The following HNRNPUL2 variants were observed in gnomAD, a reference collection of about 807,000 sequenced individuals.
HNRNPUL2 encodes heterogeneous nuclear ribonucleoprotein U-like protein 2.
In HNRNPUL2, 27 loss-of-function variants were observed where a neutral mutation model predicts 102.2. That is an observed-to-expected ratio of 0.26 (90% confidence interval 0.19 to 0.36). The LOEUF (loss-of-function observed/expected upper bound fraction) is 0.36. HNRNPUL2 is among the 10% of genes least tolerant of loss of function. HNRNPUL2 has a pLI of 1.00. For missense variants in HNRNPUL2, 936 were observed against 981.1 expected (o/e 0.95, Z 0.61); for synonymous variants, 458 against 387.2 (o/e 1.18, Z -2.15).
chr11:62,726,992 C>CCCGCCGGGCCCGGCCCCGCCG lies in HNRNPUL2; in HGVS notation c.144_164dup (p.Gly49_Gly55dup), dbSNP rs1209396514. 6,809 of 1,359,854 alleles carry CCCGCCGGGCCCGGCCCCGCCG rather than the reference C, an allele frequency of 5.0e-3. 29 individuals carry two copies. The highest frequency in any genetic ancestry group is 8.7e-3 in the Middle Eastern group (32 of 3,664). 84.2% of individuals were successfully genotyped at this position (1,359,854 alleles called of 1,614,324 possible). A position where few individuals can be genotyped will look rare whatever the true frequency, so the allele number is the denominator to read the frequency against. On this transcript the variant is annotated inframe_insertion, in exon 1 of 14. Coordinates refer to ENST00000301785, the MANE Select transcript of HNRNPUL2 (RefSeq NM_001079559.3). Reference sequence around the variant, plus strand: ...CAGGCCGAGGCTCCGCCTTGCAGGCCCCGCCGGGCCCGGCCCCGCCGCCGC... The same window carrying CCCGCCGGGCCCGGCCCCGCCG: ...CAGGCCGAGGCTCCGCCTTGCAGGCCCCGCCGGGCCCGGCCCCGCCGCCGCCGGGCCCGGCCCCGCCGCCGC...
chr11:62,717,059 C>T lies in HNRNPUL2; in HGVS notation c.1911G>A (p.Glu637=), dbSNP rs142868058. 21,933 of 1,614,174 alleles carry T rather than the reference C, an allele frequency of 0.014. 190 individuals are homozygous for T. Among genetic ancestry groups the T allele is most frequent in the Middle Eastern group, 0.02 (120 of 6,050 alleles). The change falls in exon 11 of 14, where the codon GAG becomes GAA. Residue 637 remains glutamate, a synonymous_variant. Coordinates refer to ENST00000301785, the MANE Select transcript of HNRNPUL2 (RefSeq NM_001079559.3). The part of the protein sequence containing the change: ...EEARKLLPPS[E]KRTNRRNNRN... The stretch of plus-strand genomic sequence containing the variant: ...GGTTGTTTCGGCGATTTGTCCGCTT[C>T]TCGGAGGGGGGCAGAAGCTTCCTTG...
Position 62,722,884 on chromosome 11 carries a change from A to T in HNRNPUL2, c.911T>A (p.Met304Lys), listed in dbSNP as rs779640161. The T allele has an allele frequency of 3.7e-6, 6 of 1,613,962 alleles. No homozygotes were observed. The African/African-American group carries it at 8.0e-5, about 22-fold the overall frequency. Residue 304 changes from methionine to lysine, a missense_variant, in exon 5 of 14, where the codon ATG becomes AAG. By Grantham distance (95) the Met-to-Lys change is moderately conservative. Transcript: ENST00000301785. ...AGAGACCTCTGTGCAGCCTTCTTTC[A>T]TTGGGAGATTCTGGGTTACCTGGCC... ...FEAKVTQNLP[M>K]KEGCTEVSLL...
At chr11:62,718,051 G>A (rs1170057146) in intron 10 of HNRNPUL2, among the ~76,000 whole-genome samples, 2 of 152,136 alleles carry the variant, frequency 1.3e-5, no homozygotes, top group African/African-American at 2.4e-5. Context: ...CTAAGTAAGA[G>A]TTATGGACTG....
At position 62,727,156 on chromosome 11, in the gene HNRNPUL2, TC is replaced by T. The variant is rs774911276; in HGVS notation, c.-1del. On this transcript the variant is annotated 5_prime_UTR_variant, in exon 1 of 14. Coordinates refer to ENST00000301785, the MANE Select transcript of HNRNPUL2 (RefSeq NM_001079559.3). ...GTCACTTTCAGCCGCTTCACCTCCA[TC>T]GCCGCCGCCGCCTCCTCCGCCTCCC... is the stretch of plus-strand genomic sequence containing the variant. 7.7e-6 allele frequency: 11 copies of T among 1,425,158 alleles called. No homozygotes were observed. In the Admixed American group the frequency reaches 2.9e-4, roughly 38 times the overall value. 88.3% of individuals were successfully genotyped at this position (1,425,158 alleles called of 1,614,324 possible).
At chr11:62,716,111 A>AG (rs1366473787) in intron 11 of HNRNPUL2, among the ~76,000 whole-genome samples, 174 bp from the exon 12 acceptor site, 3 of 152,114 alleles carry the variant, frequency 2.0e-5, no homozygotes, top group African/African-American at 4.8e-5. Flanking sequence ...AAAAAGTCTG[A>AG]GGGGGGAGGG....
intron 10 of HNRNPUL2, among the ~76,000 whole-genome samples, chr11:62,718,087 G>A (rs1003064805): frequency 6.6e-6 from 1 of 152,102 alleles, no homozygotes; most frequent in African/African-American, 2.4e-5. Flanking sequence ...AGTAAACTCT[G>A]AGGATCTGGC....
rs1462346334 is a variant in HNRNPUL2 at position 62,712,663 on chromosome 11, CTG to C, written c.*2634_*2635del. 6.6e-6 allele frequency: 1 copy of C among 152,232 alleles called. No individual in the cohort carries two copies. Among genetic ancestry groups the C allele is most frequent in the Non-Finnish European group, 1.5e-5 (1 of 68,044 alleles). 9.4% of individuals were successfully genotyped at this position (152,232 alleles called of 1,614,324 possible). On this transcript the variant is annotated 3_prime_UTR_variant, in exon 14 of 14. Transcript: ENST00000301785. ...ATCCAAATGGTTATTTATTCTAAAA[CTG>C]GAAGCTACTTTGCCTACATTTTCGC...
At position 62,727,360 on chromosome 11, in the gene HNRNPUL2, C is replaced by A. The variant is rs577242149; in HGVS notation, c.-204G>T. 22 of 579,366 alleles carry A rather than the reference C, an allele frequency of 3.8e-5. No homozygotes were observed. Among genetic ancestry groups the A allele is most frequent in the Non-Finnish European group, 4.9e-5 (20 of 405,814 alleles). 35.9% of individuals were successfully genotyped at this position (579,366 alleles called of 1,614,324 possible). A position where few individuals can be genotyped will look rare whatever the true frequency, so the allele number is the denominator to read the frequency against. ...TTGCTTCTCCTTCGTCTCCCCTCCC[C>A]CTTTCGGCTCACGGAGCCCAAAACA... On this transcript the variant is annotated 5_prime_UTR_variant, in exon 1 of 14. Transcript: ENST00000301785.
rs2083701798 is a variant in HNRNPUL2, at chr11:62,721,417, C to A, written c.1489G>T (p.Gly497Cys). The change falls in exon 9 of 14, where the codon GGT (glycine) becomes TGT (cysteine). Residue 497 changes from glycine to cysteine, a missense_variant. Around this residue, in one of 2 missense-constraint regions of HNRNPUL2, gnomAD observed 609 missense variants for 713.0 expected, o/e 0.85. Transcript: ENST00000301785. ...ETVLNQMRMK[G>C]LEEPEMDPKS... The stretch of plus-strand genomic sequence containing the variant: ...GGGTCCATCTCTGGCTCCTCGAGAC[C>A]CTTCATCTGATTAGTTTGAGAGGAA... 2 of 1,572,870 alleles carry A rather than the reference C, an allele frequency of 1.3e-6. No individual in the cohort carries two copies. The highest frequency in any genetic ancestry group is 8.6e-7 in the Non-Finnish European group (1 of 1,167,368).
chr11:62,727,339 T>G lies in HNRNPUL2; in HGVS notation c.-183A>C, dbSNP rs1041080381. On this transcript the variant is annotated 5_prime_UTR_variant, in exon 1 of 14. Transcript: ENST00000301785. ...CACGGTCCCGCTGCGCAGTGTTTGC[T>G]TCTCCTTCGTCTCCCCTCCCCCTTT... 2.8e-6 allele frequency: 2 copies of G among 720,158 alleles called. No homozygotes were observed. The highest frequency in any genetic ancestry group is 3.8e-6 in the Non-Finnish European group (2 of 532,214). The allele number at this position is 720,158 out of a possible 1,614,324, so 44.6% of individuals were successfully genotyped here. A position where few individuals can be genotyped will look rare whatever the true frequency, so the allele number is the denominator to read the frequency against.
At chr11:62,722,497 C>G (rs2083711203) in intron 6 of HNRNPUL2, 104 bp downstream of exon 6, 1 of 1,424,156 alleles carries the variant, frequency 7.0e-7, no homozygotes, top group Admixed American at 1.7e-5. Flanking sequence ...GCGAGCCACA[C>G]ACATCACATG....
In HNRNPUL2 at chr11:62,721,641, G is replaced by A. The variant is rs1196635752; in HGVS notation, c.1482+179C>T. On this transcript the variant is annotated intron_variant, in intron 8 of 13. Transcript: ENST00000301785. ...GTATTTCAGATCTCATCTGCTTTCA[G>A]AAATTTGACAACACAGCAAAGAAAA... Among the ~76,000 whole-genome samples, 4 of 151,674 alleles carry A rather than the reference G, an allele frequency of 2.6e-5. No homozygotes were observed. In the East Asian group the frequency reaches 5.8e-4, roughly 22 times the overall value.
At position 62,722,198 on chromosome 11, in the gene HNRNPUL2, T is replaced by C. The variant is rs750141343; in HGVS notation, c.1278A>G (p.Glu426=). Residue 426 remains glutamate (E), a synonymous_variant, in exon 7 of 14, where the codon GAA becomes GAG. Transcript: ENST00000301785. ...GCACAGCATGAATGAACACAAACTC[T>C]TCTGGTGGTGGGAAGAAGGGCTCCT... ...QKEEPFFPPP[E]EFVFIHAVPV... 1.2e-6 allele frequency: 2 copies of C among 1,613,874 alleles called. No homozygotes were observed. Among genetic ancestry groups the C allele is most frequent in the African/African-American group, 2.7e-5 (2 of 74,918 alleles).
At position 62,715,853 on chromosome 11, in the gene HNRNPUL2, G is replaced by A; in HGVS notation, c.2055+11C>T. 1 of 1,611,850 alleles carries A rather than the reference G, an allele frequency of 6.2e-7. No individual in the cohort carries two copies. The highest frequency in any genetic ancestry group is 8.5e-7 in the Non-Finnish European group (1 of 1,178,056). ...GCCCAGAGTGAGGAGCAGAAGGAGA[G>A]CTGCACTCACCCCTCTGTTTCCAGG... On this transcript the variant is annotated intron_variant, in intron 12 of 13. Transcript: ENST00000301785.
intron 1 of HNRNPUL2, 149 bp downstream of exon 1, chr11:62,726,470 G>A: frequency 2.5e-6 from 2 of 804,954 alleles, no homozygotes; most frequent in East Asian, 3.0e-5. Context: ...TAACCCCTCA[G>A]AAAGGTGGGT....
At chr11:62,726,051 G>A (rs749329121) in intron 1 of HNRNPUL2, among the ~76,000 whole-genome samples, 6 of 152,116 alleles carry the variant, frequency 3.9e-5, no homozygotes, top group Non-Finnish European at 8.8e-5. Flanking sequence ...TCTCTTCACT[G>A]GTTAACTATT....
chr11:62,722,808 T>C lies in HNRNPUL2; in HGVS notation c.982+5A>G, dbSNP rs1279689113. ...CTAATGAGGAACTTAAAGAAATAAC[T>C]TTACCAAGCTGTGGACGGGAAAAAT... On this transcript the variant is annotated splice_donor_5th_base_variant and intron_variant, in intron 5 of 13. Coordinates refer to ENST00000301785, the MANE Select transcript of HNRNPUL2 (RefSeq NM_001079559.3). 2 of 1,613,724 alleles carry C rather than the reference T, an allele frequency of 1.2e-6. No homozygotes were observed. The highest frequency in any genetic ancestry group is 2.2e-5 in the South Asian group (2 of 91,070).
intron 1 of HNRNPUL2, among the ~76,000 whole-genome samples, chr11:62,725,202 A>G (rs7936611): frequency 0.17 from 25,757 of 152,080 alleles, 2,358 homozygotes; most frequent in Non-Finnish European, 0.22. Context: ...TTATCCTTCA[A>G]TATATATTTT....
intron 1 of HNRNPUL2, among the ~76,000 whole-genome samples, chr11:62,726,232 A>T (rs1590902093): frequency 1.3e-5 from 2 of 152,294 alleles, no homozygotes; most frequent in South Asian, 4.1e-4. Flanking sequence ...TAGGTCAGGT[A>T]GCCCAAAGAC....
Sources: allele counts gnomAD v4.1 joint callset (sites outside exome capture counted in the v4.1 genomes callset), GRCh38; gene constraint gnomAD v4.1.1; regional missense constraint gnomAD v4.1.1; transcripts MANE v1.5; gene names NCBI Gene and HGNC (gene_info 2026-07-23, HGNC 2026-07-21).